DGKQ: variants seen among roughly 807,000 people sequenced by gnomAD.
DGKQ encodes DAG kinase theta.
A neutral mutation model predicts 104.2 loss-of-function variants in DGKQ; 97 were observed. That is an observed-to-expected ratio of 0.93 (90% CI 0.79 to 1.10). DGKQ has a LOEUF of 1.10. Ranked by LOEUF, DGKQ falls within the 50% of genes least tolerant of loss-of-function variation. The pLI, the probability that DGKQ is intolerant of heterozygous loss-of-function variation, is 0.00. For synonymous variants in DGKQ, 736 were observed against 595.2 expected, an observed-to-expected ratio of 1.24 and a Z score of -3.44; for missense variants, 1,465 against 1,352.1, an observed-to-expected ratio of 1.08 and a Z score of -1.31.
At position 968,023 on chromosome 4, in the gene DGKQ, T is replaced by C. The variant is rs1383361659; in HGVS notation, c.668A>G (p.His223Arg). Residue 223 changes from histidine to arginine, a missense_variant, in exon 6 of 23, where the codon CAC (histidine) becomes CGC (arginine). Transcript: ENST00000273814. ...VRCEWCGVQA[H>R]SLCSAALAPE... The stretch of plus-strand genomic sequence containing the variant: ...AGCCAGCGCCGCGGAGCAGAGGGAG[T>C]GCGCCTGGGGGGAGAAGGGCCTGAG... 1.4e-6 allele frequency: 2 copies of C among 1,422,694 alleles called. No homozygotes were observed. Among genetic ancestry groups the C allele is most frequent in the Non-Finnish European group, 1.8e-6 (2 of 1,096,828 alleles). 88.1% of individuals were successfully genotyped at this position (1,422,694 alleles called of 1,614,324 possible).
intron 18 of DGKQ, 90 bp from the exon 19 acceptor site, chr4:962,172 G>C: frequency 8.3e-7 from 1 of 1,210,822 alleles, no homozygotes; most frequent in Non-Finnish European, 1.2e-6. Flanking sequence ...GCAGAGACAA[G>C]AGCAAGGACC....
chr4:960,837 C>G (rs546816060), intron 22 of DGKQ, 116 bp from the exon 23 acceptor site: 1 of 1,499,422 alleles, frequency 6.7e-7, no homozygotes, highest in Non-Finnish European at 8.9e-7. Flanking sequence ...CCCCATTTCA[C>G]GGAAGGGGAG....
rs1288940346 is a variant in DGKQ, at chr4:966,798, T to C, written c.1316A>G (p.Glu439Gly). Residue 439 changes from glutamate (E) to glycine (G), a missense_variant, in exon 11 of 23, where the codon GAG becomes GGG. Transcript: ENST00000273814. ...EVLPLLGRQA[E>G]SPESFQLVEV... is the part of the protein sequence containing the mutation. Reference sequence around the variant, plus strand: ...CACCAGCTGGAAGCTCTCGGGACTCTCGGCCTGTTGGGGTAGAGCTTGGCA... The same window carrying C: ...CACCAGCTGGAAGCTCTCGGGACTCCCGGCCTGTTGGGGTAGAGCTTGGCA... 5.0e-6 allele frequency: 8 copies of C among 1,609,396 alleles called. No homozygotes were observed. Among genetic ancestry groups the C allele is most frequent in the Non-Finnish European group, 6.8e-6 (8 of 1,178,560 alleles).
chr4:965,331 T>C lies in DGKQ; in HGVS notation c.1619-40A>G, dbSNP rs540068725. On this transcript the variant is annotated intron_variant, in intron 14 of 22. Coordinates refer to ENST00000273814, the MANE Select transcript of DGKQ (RefSeq NM_001347.4). Reference sequence around the variant, plus strand: ...CAGGACTCAGGGGGAGCCTGTCCCATGGCCCCCACGGTGCCAGGGCAGGAA... The same window carrying C: ...CAGGACTCAGGGGGAGCCTGTCCCACGGCCCCCACGGTGCCAGGGCAGGAA... The C allele has an allele frequency of 7.6e-6, 12 of 1,588,536 alleles. No homozygotes were observed. In the African/African-American group the frequency reaches 1.1e-4, roughly 14 times the overall value.
intron 12 of DGKQ, 185 bp from the exon 13 acceptor site, chr4:966,263 C>T: frequency 2.4e-6 from 2 of 827,322 alleles, no homozygotes; most frequent in Non-Finnish European, 3.8e-6. Flanking sequence ...TGTCCGTTCC[C>T]CTCGAGGACC....
Position 967,809 on chromosome 4 carries a change from G to T in DGKQ, c.812-7C>A, listed in dbSNP as rs764336134. On this transcript the variant is annotated splice_polypyrimidine_tract_variant and splice_region_variant and intron_variant, in intron 6 of 22. Transcript: ENST00000273814. ...GCGCCGTCGCCCCCCTCGCCTGCGG[G>T]TCGGGCACACGGACCCCTCATTCAG... The T allele has an allele frequency of 6.3e-7, 1 of 1,592,708 alleles. No homozygotes were observed. Among genetic ancestry groups the T allele is most frequent in the Non-Finnish European group, 8.5e-7 (1 of 1,170,818 alleles).
rs1211955966 is a variant in DGKQ, at chr4:967,381, A to AG, written c.988-21dup. 1 of 1,156,052 alleles carries AG rather than the reference A, an allele frequency of 8.7e-7. No homozygotes were observed. Among genetic ancestry groups the AG allele is most frequent in the Admixed American group, 3.1e-5 (1 of 31,794 alleles). The allele number at this position is 1,156,052 out of a possible 1,614,324, so 71.6% of individuals were successfully genotyped here. ...GGCCTCCTGCAGGGCACCAGGTTAGAGGGGCCAAGTTGTGGGGGGTCAGGC... is the reference window on the plus strand; with the variant it reads ...GGCCTCCTGCAGGGCACCAGGTTAGAGGGGGCCAAGTTGTGGGGGGTCAGGC... On this transcript the variant is annotated intron_variant, in intron 8 of 22. Coordinates refer to ENST00000273814, the MANE Select transcript of DGKQ (RefSeq NM_001347.4).
rs1334449224 is a variant in DGKQ at position 962,498 on chromosome 4, G to A, written c.2151C>T (p.Ile717=). 1.9e-6 allele frequency: 3 copies of A among 1,609,246 alleles called. No homozygotes were observed. Among genetic ancestry groups the A allele is most frequent in the South Asian group, 1.1e-5 (1 of 91,034 alleles). ...TGCCAGCCTCGTGGGCATCCAGCAG[G>A]ATGGTCCAGCGGTCCATGAGCACGG... The part of the protein sequence containing the change: ...ADAVLMDRWT[I]LLDAHEAGSA... The change falls in exon 18 of 23, where the codon ATC becomes ATT. Residue 717 remains isoleucine (I), a synonymous_variant. Coordinates refer to ENST00000273814, the MANE Select transcript of DGKQ (RefSeq NM_001347.4).
chr4:972,579 C>T (rs1458637245), intron 1 of DGKQ, among the ~76,000 whole-genome samples: 1 of 151,102 alleles, frequency 6.6e-6, no homozygotes, highest in Non-Finnish European at 1.5e-5. Context: ...GTCCCCCTGT[C>T]CCTCGCTCCC....
In DGKQ at chr4:959,461, C is replaced by G. The variant is rs960093767; in HGVS notation, c.*1159G>C. 1 of 152,308 alleles carries G rather than the reference C, an allele frequency of 6.6e-6. No individual in the cohort carries two copies. Among genetic ancestry groups the G allele is most frequent in the African/African-American group, 2.4e-5 (1 of 41,470 alleles). 9.4% of individuals were successfully genotyped at this position (152,308 alleles called of 1,614,324 possible). The stretch of plus-strand genomic sequence containing the variant: ...ACTCCTCCCGGGGCCAGTGCACCAT[C>G]TGAATCCTTGGGCACGTGGAGGCAG... On this transcript the variant is annotated 3_prime_UTR_variant, in exon 23 of 23. Coordinates refer to ENST00000273814, the MANE Select transcript of DGKQ (RefSeq NM_001347.4).
chr4:961,754 AGCC>A lies in DGKQ; in HGVS notation c.2393_2395del (p.Arg798del). 6.2e-7 allele frequency: 1 copy of A among 1,612,732 alleles called. No individual in the cohort carries two copies. Among genetic ancestry groups the A allele is most frequent in the Non-Finnish European group, 8.5e-7 (1 of 1,179,868 alleles). On this transcript the variant is annotated inframe_deletion, in exon 20 of 23. Transcript: ENST00000273814. ...CTCCACCTCCTGCCGCTCCACCTGCAGCCGGATCTGCTTGTGCAGGCTCCGAGA... is the reference window on the plus strand; with the variant it reads ...CTCCACCTCCTGCCGCTCCACCTGCAGGATCTGCTTGTGCAGGCTCCGAGA...
rs746781187 is a variant in DGKQ, at chr4:967,110, G to A, written c.1220+19C>T. ...CCCCACCCCGCCCAGCAGACCCTGA[G>A]CCTCGGGCCCAGTCTCACTTGAGCC... is the stretch of plus-strand genomic sequence containing the variant. On this transcript the variant is annotated intron_variant, in intron 9 of 22. Transcript: ENST00000273814. The A allele has an allele frequency of 7.0e-6, 11 of 1,561,560 alleles. No homozygotes were observed. The African/African-American group carries it at 9.5e-5, about 13-fold the overall frequency.
chr4:967,822 A>G lies in DGKQ; in HGVS notation c.812-20T>C. 1 of 1,576,772 alleles carries G rather than the reference A, an allele frequency of 6.3e-7. No individual in the cohort carries two copies. The highest frequency in any genetic ancestry group is 1.2e-5 in the South Asian group (1 of 86,902). Reference sequence around the variant, plus strand: ...CCTCGCCTGCGGGTCGGGCACACGGACCCCTCATTCAGTGCGCAGCCCCCA... The same window carrying G: ...CCTCGCCTGCGGGTCGGGCACACGGGCCCCTCATTCAGTGCGCAGCCCCCA... On this transcript the variant is annotated intron_variant, in intron 6 of 22. Transcript: ENST00000273814.
intron 10 of DGKQ, 41 bp from the exon 11 acceptor site, chr4:966,843 C>G (rs1252301394): frequency 6.3e-7 from 1 of 1,592,076 alleles, no homozygotes; most frequent in South Asian, 1.1e-5. Flanking sequence ...GGCAGGCCCC[C>G]ACCACCTCAG....
intron 5 of DGKQ, 56 bp from the exon 6 acceptor site, chr4:968,083 G>T (rs1283361053): frequency 8.0e-7 from 1 of 1,248,290 alleles, no homozygotes; most frequent in Non-Finnish European, 1.0e-6. Context: ...GGGGCACCAG[G>T]TGCGCCAGGT....
In DGKQ at chr4:968,463, G is replaced by A. The variant is rs374165890; in HGVS notation, c.537+16C>T. The A allele has an allele frequency of 1.9e-6, 3 of 1,600,170 alleles. No homozygotes were observed. Among genetic ancestry groups the A allele is most frequent in the Non-Finnish European group, 2.6e-6 (3 of 1,173,870 alleles). ...CCGCCCCACCCCCCAGGGCTCCCTG[G>A]GGCCGGTACACTCACGTGATCCTGG... On this transcript the variant is annotated intron_variant, in intron 4 of 22. Transcript: ENST00000273814.
Position 973,540 on chromosome 4 carries a change from G to C in DGKQ, c.-58C>G, listed in dbSNP as rs993188911. ...CCGCGCCGGGGGTACAGGAGCCGCC[G>C]CTCCACGGCCCGGTACACTGCTTCC... is the stretch of plus-strand genomic sequence containing the variant. On this transcript the variant is annotated 5_prime_UTR_variant, in exon 1 of 23. Transcript: ENST00000273814. 24 of 983,340 alleles carry C rather than the reference G, an allele frequency of 2.4e-5. No homozygotes were observed. The Admixed American group carries it at 1.2e-3, about 51-fold the overall frequency. 60.9% of individuals were successfully genotyped at this position (983,340 alleles called of 1,614,324 possible). A position where few individuals can be genotyped will look rare whatever the true frequency, so the allele number is the denominator to read the frequency against.
intron 22 of DGKQ, 77 bp from the exon 23 acceptor site, chr4:960,798 G>A: frequency 1.9e-6 from 3 of 1,559,882 alleles, no homozygotes; most frequent in Non-Finnish European, 2.6e-6. Context: ...CCCCGGTCCT[G>A]GGGCCCCGGG....
At position 962,460 on chromosome 4, in the gene DGKQ, T is replaced by A. The variant is rs192417087; in HGVS notation, c.2189A>T (p.Asp730Val). ...DAHEAGSAEN[D>V]TADAEPPKIV... ...CTTGGGGGGCTCTGCGTCTGCCGTG[T>A]CGTTCTCTGCACTGCCAGCCTCGTG... is the stretch of plus-strand genomic sequence containing the variant. The change falls in exon 18 of 23, where the codon GAC (aspartate) becomes GTC (valine). Residue 730 changes from aspartate (D) to valine (V), a missense_variant. Transcript: ENST00000273814. The A allele has an allele frequency of 6.3e-7, 1 of 1,597,456 alleles. No individual in the cohort carries two copies. Among genetic ancestry groups the A allele is most frequent in the Non-Finnish European group, 8.5e-7 (1 of 1,175,928 alleles).
Sources: allele counts gnomAD v4.1 joint callset (sites outside exome capture counted in the v4.1 genomes callset), GRCh38; gene constraint gnomAD v4.1.1; transcripts MANE v1.5; gene names NCBI Gene and HGNC (gene_info 2026-07-23, HGNC 2026-07-21).